SIN3A: variants seen among roughly 807,000 people sequenced by gnomAD.
The protein encoded by SIN3A is SIN3 transcription regulator family member A, also known as paired amphipathic helix protein Sin3a.
Under a neutral mutation model 146.1 loss-of-function variants are expected in SIN3A, and 14 were observed. The observed-to-expected ratio is 0.10, with a 90% CI of 0.06 to 0.15. SIN3A has a LOEUF of 0.15. SIN3A is among the 10% of genes least tolerant of loss of function. The probability of loss-of-function intolerance (pLI) is 1.00; values close to 1 mark genes in which losing one functional copy is unlikely to be tolerated. For synonymous variants in SIN3A, 572 were observed against 572.0 expected (o/e 1.00, Z 0.00); for missense variants, 1,028 against 1,576.0 (o/e 0.65, Z 5.89).
intron 14 of SIN3A, among the ~76,000 whole-genome samples, chr15:75,393,344 T>C (rs2073244294): frequency 6.6e-6 from 1 of 152,224 alleles, no homozygotes; most frequent in Non-Finnish European, 1.5e-5. Context: ...TACACACTGA[T>C]GACTTACAGG....
At chr15:75,449,658 A>G (rs779301485) in intron 1 of SIN3A, among the ~76,000 whole-genome samples, 2 of 152,230 alleles carry the variant, frequency 1.3e-5, no homozygotes, top group Non-Finnish European at 2.9e-5. Flanking sequence ...GGGCAACAAC[A>G]CTGTACTATG....
At chr15:75,454,251 A>AG (rs1432393644), upstream of SIN3A, among the ~76,000 whole-genome samples, 1 of 151,924 alleles carries the variant, frequency 6.6e-6, no homozygotes, top group African/African-American at 2.4e-5. Flanking sequence ...TCCAAGAAGG[A>AG]GAAAAAAAGG....
At chr15:75,406,868 T>C (rs1288474808) in intron 9 of SIN3A, among the ~76,000 whole-genome samples, 187 bp downstream of exon 9, 1 of 152,194 alleles carries the variant, frequency 6.6e-6, no homozygotes, top group East Asian at 1.9e-4. Context: ...AAGCAAACAA[T>C]GCTACCATTT....
chr15:75,395,501 A>G (rs1310511042), intron 13 of SIN3A, among the ~76,000 whole-genome samples: 1 of 152,192 alleles, frequency 6.6e-6, no homozygotes, highest in Non-Finnish European at 1.5e-5. Flanking sequence ...GGACAAATCA[A>G]ATCTGGGTAT....
At chr15:75,437,341 A>AT (rs1328651003) in intron 1 of SIN3A, among the ~76,000 whole-genome samples, 1 of 152,056 alleles carries the variant, frequency 6.6e-6, no homozygotes, top group East Asian at 1.9e-4. Context: ...TAACTTTTGT[A>AT]TTTTTTGTAG....
chr15:75,394,028 T>C (rs1412205014), intron 14 of SIN3A, among the ~76,000 whole-genome samples: 1 of 150,774 alleles, frequency 6.6e-6, no homozygotes, highest in Non-Finnish European at 1.5e-5. Context: ...GGCTGGTCTC[T>C]AACTCCTGAC....
chr15:75,407,965 T>C (rs1003917226), intron 8 of SIN3A, among the ~76,000 whole-genome samples: 4 of 151,166 alleles, frequency 2.6e-5, no homozygotes, highest in Admixed American at 6.6e-5. Flanking sequence ...ATATTGTTCT[T>C]CTAAAGGGAA....
intron 19 of SIN3A, among the ~76,000 whole-genome samples, chr15:75,377,814 T>C (rs918696977): frequency 6.6e-6 from 1 of 152,176 alleles, no homozygotes; most frequent in Admixed American, 6.5e-5. Flanking sequence ...GAGTTGTAAG[T>C]GGATCATCAT....
At chr15:75,421,970 G>C (rs1280485268) in intron 3 of SIN3A, 1 of 152,210 alleles carries the variant, frequency 6.6e-6, no homozygotes, top group Non-Finnish European at 1.5e-5. Flanking sequence ...AGTTTTCCCT[G>C]AACTTTATAA....
At chr15:75,394,375 T>C (rs946052105) in intron 14 of SIN3A, among the ~76,000 whole-genome samples, 2 of 152,172 alleles carry the variant, frequency 1.3e-5, no homozygotes, top group Non-Finnish European at 2.9e-5. Context: ...GATGGGACTA[T>C]ATGGATACAA....
intron 2 of SIN3A, among the ~76,000 whole-genome samples, chr15:75,427,391 C>T (rs777039659): frequency 7.0e-6 from 1 of 143,226 alleles, no homozygotes; most frequent in Non-Finnish European, 1.5e-5. Context: ...AAAATAAGGC[C>T]GGGTGCAGTG....
intron 16 of SIN3A, among the ~76,000 whole-genome samples, chr15:75,387,614 T>A (rs1595891925): frequency 1.3e-5 from 2 of 151,206 alleles, no homozygotes; most frequent in East Asian, 3.9e-4. Flanking sequence ...TATTACTGAT[T>A]CAAAATCATA....
intron 1 of SIN3A, among the ~76,000 whole-genome samples, chr15:75,451,161 G>C (rs1373678291): frequency 6.7e-6 from 1 of 149,268 alleles, no homozygotes; most frequent in Non-Finnish European, 1.5e-5. Flanking sequence ...ACAATCGCAC[G>C]CGCGCGCCGG....
At chr15:75,392,194 GTCC>G (rs1595894584) in intron 15 of SIN3A, 45 bp downstream of exon 15, 1 of 1,554,428 alleles carries the variant, frequency 6.4e-7, no homozygotes, top group Admixed American at 1.8e-5. Context: ...TGGCTCTAAG[GTCC>G]TCAACCTCAC....
intron 1 of SIN3A, among the ~76,000 whole-genome samples, chr15:75,433,981 T>C (rs954253938): frequency 6.6e-6 from 1 of 152,144 alleles, no homozygotes; most frequent in Non-Finnish European, 1.5e-5. Context: ...ATGAGGAAAC[T>C]GAAAAACAAA....
intron 3 of SIN3A, among the ~76,000 whole-genome samples, chr15:75,417,007 A>C (rs1315055578): frequency 1.3e-5 from 2 of 151,252 alleles, no homozygotes; most frequent in African/African-American, 4.9e-5. Flanking sequence ...AGAGCATCAA[A>C]TGAGACTTCA....
chr15:75,439,572 C>G (rs1418065762), intron 1 of SIN3A, among the ~76,000 whole-genome samples: 2 of 151,774 alleles, frequency 1.3e-5, no homozygotes, highest in African/African-American at 4.8e-5. Context: ...GTCTCGATCT[C>G]CTGACCTCGT....
At chr15:75,400,293 T>C (rs2073385969) in intron 11 of SIN3A, 137 bp from the exon 12 acceptor site, 1 of 590,648 alleles carries the variant, frequency 1.7e-6, no homozygotes, top group Non-Finnish European at 3.0e-6. Flanking sequence ...CTTTAGCAAG[T>C]TTACAAAAAG....
intron 1 of SIN3A, chr15:75,451,222 G>C (rs1204252961): frequency 3.0e-5 from 3 of 101,382 alleles, no homozygotes; most frequent in African/African-American, 4.1e-5. Flanking sequence ...GCGCGCACCG[G>C]GACTACGCTC....
Sources: allele counts gnomAD v4.1 joint callset (sites outside exome capture counted in the v4.1 genomes callset), GRCh38; gene constraint gnomAD v4.1.1; transcripts MANE v1.5; gene names NCBI Gene and HGNC (gene_info 2026-07-23, HGNC 2026-07-21).